PRMT8: variants seen among roughly 807,000 people sequenced by gnomAD.
PRMT8 encodes the protein protein arginine N-methyltransferase 8.
In PRMT8, 7 loss-of-function variants were observed where a neutral mutation model predicts 47.1. That is an observed-to-expected ratio of 0.15 (90% CI 0.08 to 0.28). The LOEUF is 0.28. Ranked by LOEUF, PRMT8 falls within the 10% of genes least tolerant of loss-of-function variation. PRMT8 has a pLI of 1.00. For missense variants in PRMT8, 237 were observed against 505.4 expected, an observed-to-expected ratio of 0.47 and a Z score of 5.09; for synonymous variants, 188 against 186.5, an observed-to-expected ratio of 1.01 and a Z score of -0.07.
intron 1 of PRMT8, among the ~76,000 whole-genome samples, chr12:3,423,446 T>C (rs1169348952): frequency 2.0e-5 from 3 of 152,194 alleles, no homozygotes; most frequent in Non-Finnish European, 4.4e-5. Flanking sequence ...TGTGCTCAAG[T>C]AGCAGGCCCA....
chr12:3,498,348 T>A (rs1254160366), intron 1 of PRMT8, among the ~76,000 whole-genome samples: 1 of 152,152 alleles, frequency 6.6e-6, no homozygotes, highest in Non-Finnish European at 1.5e-5. Context: ...AAACTTAAAA[T>A]GTGAAGAGAA....
chr12:3,564,515 A>G lies in PRMT8; in HGVS notation c.482-4191A>G, dbSNP rs984938978. 3.3e-5 allele frequency among the ~76,000 whole-genome samples: 5 copies of G among 152,248 alleles called. No individual in the cohort carries two copies. Among genetic ancestry groups the G allele is most frequent in the Admixed American group, 6.5e-5 (1 of 15,288 alleles). On this transcript the variant is annotated intron_variant, in intron 4 of 9. Coordinates refer to ENST00000382622, the MANE Select transcript of PRMT8 (RefSeq NM_019854.5). The surrounding 1 kb of genome is among the most constrained non-coding windows in gnomAD (Gnocchi z 4.0). ...AAAAATCTGGATGTCTCACTTACAA[A>G]CTTGAAGCTACAGGAGAAGTTTTCC... is the stretch of plus-strand genomic sequence containing the variant.
chr12:3,573,066 A>G (rs1315990387), intron 6 of PRMT8, among the ~76,000 whole-genome samples: 1 of 152,104 alleles, frequency 6.6e-6, no homozygotes, highest in East Asian at 1.9e-4. Flanking sequence ...GTATCTCTAC[A>G]AATATTTTTT....
Position 3,491,293 on chromosome 12 carries a change from ACCG to A in PRMT8, c.-316_-314del, listed in dbSNP as rs895988152. 3.1e-4 allele frequency: 351 copies of A among 1,124,514 alleles called. No individual in the cohort carries two copies. The highest frequency in any genetic ancestry group is 1.3e-3 in the East Asian group (22 of 17,584). 69.7% of individuals were successfully genotyped at this position (1,124,514 alleles called of 1,614,324 possible). On this transcript the variant is annotated 5_prime_UTR_variant, in exon 1 of 10. Coordinates refer to ENST00000382622, the MANE Select transcript of PRMT8 (RefSeq NM_019854.5). ...GCGAGCAGCCTGGAGAGGATCCGCGACCGCCGCCGCCGCCGCCGCGGAGGCTTC... is the reference window on the plus strand; with the variant it reads ...GCGAGCAGCCTGGAGAGGATCCGCGACCGCCGCCGCCGCCGCGGAGGCTTC...
intron 1 of PRMT8, among the ~76,000 whole-genome samples, chr12:3,475,863 G>T (rs1865207308): frequency 6.6e-6 from 1 of 152,222 alleles, no homozygotes; most frequent in Admixed American, 6.5e-5. Flanking sequence ...TCTACATCCT[G>T]TGGGTGTATG....
intron 1 of PRMT8, among the ~76,000 whole-genome samples, chr12:3,450,884 A>G (rs899856203): frequency 3.3e-5 from 5 of 152,214 alleles, no homozygotes; most frequent in Non-Finnish European, 7.3e-5. Context: ...AAACACTATG[A>G]TGACTAGAAA....
chr12:3,526,886 G>A lies in PRMT8; in HGVS notation c.76-13720G>A, dbSNP rs528635437. ...TTAAGCTTTTATTATGTTAAAGTAA[G>A]TTTTAAATAGAATGGCATATGGCTG... On this transcript the variant is annotated intron_variant, in intron 1 of 9. Transcript: ENST00000382622. Among the ~76,000 whole-genome samples, 166 of 152,228 alleles carry A rather than the reference G, an allele frequency of 1.1e-3. 2 individuals carry two copies. The highest frequency in any genetic ancestry group is 3.8e-3 in the African/African-American group (157 of 41,554).
At position 3,554,341 on chromosome 12, in the gene PRMT8, A is replaced by G. The variant is rs538214006; in HGVS notation, c.481+627A>G. On this transcript the variant is annotated intron_variant, in intron 4 of 9. Transcript: ENST00000382622. Reference sequence around the variant, plus strand: ...AACAGACCCGCAAGGGTCCCTGATCAGGAGACGTCCTTGGAGCTTGCATCT... The same window carrying G: ...AACAGACCCGCAAGGGTCCCTGATCGGGAGACGTCCTTGGAGCTTGCATCT... Among the ~76,000 whole-genome samples the G allele has an allele frequency of 4.7e-4, 71 of 152,322 alleles. 1 individual carries two copies. Among genetic ancestry groups the G allele is most frequent in the African/African-American group, 1.7e-3 (69 of 41,590 alleles).
At chr12:3,384,616 G>T (rs896402037) in intron 1 of PRMT8, among the ~76,000 whole-genome samples, 1 of 152,140 alleles carries the variant, frequency 6.6e-6, no homozygotes. Flanking sequence ...GAGGTCCCAG[G>T]TGCCGCTAGT....
intron 1 of PRMT8, among the ~76,000 whole-genome samples, chr12:3,388,135 A>C (rs1270527691): frequency 1.4e-5 from 2 of 142,496 alleles, no homozygotes; most frequent in Non-Finnish European, 3.0e-5. Context: ...CATTGCATTT[A>C]CTTTTCATAT....
chr12:3,486,753 A>G (rs912940499), upstream of PRMT8, among the ~76,000 whole-genome samples: 6 of 152,246 alleles, frequency 3.9e-5, no homozygotes, highest in African/African-American at 1.4e-4. Context: ...CAGCAGGATT[A>G]AGCTATAAAT....
chr12:3,520,900 G>A (rs1865871139), intron 1 of PRMT8, among the ~76,000 whole-genome samples: 1 of 152,114 alleles, frequency 6.6e-6, no homozygotes, highest in South Asian at 2.1e-4. Flanking sequence ...GTGGGGAACT[G>A]GTCAAACAAG....
In PRMT8 at chr12:3,557,535, C is replaced by T. The variant is rs546432803; in HGVS notation, c.481+3821C>T. Among the ~76,000 whole-genome samples the T allele has an allele frequency of 9.2e-5, 14 of 152,296 alleles. No individual in the cohort carries two copies. The highest frequency in any genetic ancestry group is 1.9e-4 in the Non-Finnish European group (13 of 68,012). ...GTCCAGCCTTTCTTGGCTCACCCAG[C>T]GGAGCTGGGTCTCTTCTGTGCCCTC... On this transcript the variant is annotated intron_variant, in intron 4 of 9. Coordinates refer to ENST00000382622, the MANE Select transcript of PRMT8 (RefSeq NM_019854.5). This position sits in a 1 kb window ranked among gnomAD's most constrained non-coding sequence, Gnocchi z 4.7.
chr12:3,440,357 GAGGCAGAGGC>G (rs1157755759), intron 1 of PRMT8, among the ~76,000 whole-genome samples: 1 of 152,126 alleles, frequency 6.6e-6, no homozygotes. Context: ...AGCTACTTGG[GAGGCAGAGGC>G]AGGAGAATTG....
intron 1 of PRMT8, among the ~76,000 whole-genome samples, chr12:3,397,966 C>T (rs951935976): frequency 1.3e-5 from 2 of 152,182 alleles, no homozygotes; most frequent in Admixed American, 6.5e-5. Context: ...TGGGAGTGGC[C>T]TGATTTTCCA....
At chr12:3,522,751 TA>T (rs1312368103) in intron 1 of PRMT8, among the ~76,000 whole-genome samples, 1 of 136,672 alleles carries the variant, frequency 7.3e-6, no homozygotes, top group Admixed American at 7.4e-5. Context: ...CAAGGGTAAA[TA>T]CATTACACTA....
chr12:3,447,200 G>C (rs1864867475), intron 1 of PRMT8, among the ~76,000 whole-genome samples: 1 of 152,188 alleles, frequency 6.6e-6, no homozygotes, highest in Non-Finnish European at 1.5e-5. Flanking sequence ...CAAGAGCAGA[G>C]TCTCATTTTG....
At chr12:3,551,265 T>A (rs1232740800) in intron 3 of PRMT8, 3 of 152,244 alleles carry the variant, frequency 2.0e-5, no homozygotes, top group Non-Finnish European at 2.9e-5. Context: ...TCAAGCTGCC[T>A]CAGGTGCAGC....
intron 1 of PRMT8, among the ~76,000 whole-genome samples, chr12:3,530,816 T>C (rs1339897719): frequency 2.6e-5 from 4 of 152,198 alleles, no homozygotes; most frequent in Non-Finnish European, 5.9e-5. Context: ...AGCCTGGTAC[T>C]CCTGTACCAC....
Sources: allele counts gnomAD v4.1 joint callset (sites outside exome capture counted in the v4.1 genomes callset), GRCh38; gene constraint gnomAD v4.1.1; non-coding constraint Gnocchi (gnomAD v3.1); transcripts MANE v1.5; gene names NCBI Gene and HGNC (gene_info 2026-07-23, HGNC 2026-07-21).